The following TPST2 variants were observed in gnomAD, a reference collection of about 807,000 sequenced individuals.
The protein encoded by TPST2 is tyrosylprotein sulfotransferase 2.
TPST2 carries 16 observed loss-of-function variants against 27.8 expected under a neutral mutation model. The ratio of observed to expected loss-of-function variants is 0.58; its 90% confidence interval spans 0.39 to 0.88. The LOEUF (loss-of-function observed/expected upper bound fraction) is 0.88. Among genes scored for constraint, TPST2 ranks in the 40% least tolerant of loss-of-function variants. The probability of loss-of-function intolerance (pLI) is 0.00; values close to 1 mark genes in which losing one functional copy is unlikely to be tolerated. For synonymous variants in TPST2, 229 were observed against 231.7 expected, an observed-to-expected ratio of 0.99 and a Z score of 0.10; for missense variants, 464 against 543.1, an observed-to-expected ratio of 0.85 and a Z score of 1.45.
chr22:26,536,609 G>T, intron 3 of TPST2, 123 bp from the exon 4 acceptor site: 1 of 898,538 alleles, frequency 1.1e-6, no homozygotes, highest in Non-Finnish European at 1.6e-6. Context: ...ACCCAGCTCT[G>T]CCCCATCAAC....
intron 1 of TPST2, among the ~76,000 whole-genome samples, chr22:26,549,684 A>AAAG (rs1926350616): frequency 6.7e-6 from 1 of 149,582 alleles, no homozygotes. Flanking sequence ...AAGAAAAAGA[A>AAAG]AAAAGAAAAA....
intron 1 of TPST2, among the ~76,000 whole-genome samples, chr22:26,567,866 G>A (rs1326897383): frequency 6.6e-6 from 1 of 152,116 alleles, no homozygotes; most frequent in East Asian, 1.9e-4. Flanking sequence ...GTACATTGTG[G>A]GATCATTACA....
chr22:26,523,459 A>C lies in TPST2; in HGVS notation c.*2816T>G, dbSNP rs137901025. ...ATATTCATGTAGTACTCTAAACAAA[A>C]TCTTTTCAGATCAAATCAGGGGAGA... is the stretch of plus-strand genomic sequence containing the variant. On this transcript the variant is annotated 3_prime_UTR_variant, in exon 7 of 7. Transcript: ENST00000338754. 1 of 152,320 alleles carries C rather than the reference A, an allele frequency of 6.6e-6. No individual in the cohort carries two copies. Among genetic ancestry groups the C allele is most frequent in the African/African-American group, 2.4e-5 (1 of 41,574 alleles). The allele number at this position is 152,320 out of a possible 1,614,324, so 9.4% of individuals were successfully genotyped here.
chr22:26,528,064 G>A, intron 6 of TPST2, 150 bp downstream of exon 6: 3 of 790,616 alleles, frequency 3.8e-6, no homozygotes, highest in Non-Finnish European at 6.1e-6. Flanking sequence ...CTGTCACCAT[G>A]GAAACCTCTG....
intron 1 of TPST2, among the ~76,000 whole-genome samples, chr22:26,551,345 T>C (rs1926458091): frequency 6.6e-6 from 1 of 152,186 alleles, no homozygotes; most frequent in African/African-American, 2.4e-5. Flanking sequence ...CCTTATTATA[T>C]ACCAGGCACT....
intron 1 of TPST2, among the ~76,000 whole-genome samples, chr22:26,588,152 A>G (rs1488534094): frequency 6.6e-6 from 1 of 151,856 alleles, no homozygotes; most frequent in Non-Finnish European, 1.5e-5. Context: ...AATGTGGTAT[A>G]TCCACATAAT....
chr22:26,560,479 G>T, intron 1 of TPST2: 1 of 758,006 alleles, frequency 1.3e-6, no homozygotes, highest in East Asian at 2.4e-5. Flanking sequence ...AGTGAGAGCC[G>T]GACGGGCACT....
At chr22:26,552,463 A>G (rs1413660923) in intron 1 of TPST2, among the ~76,000 whole-genome samples, 1 of 152,112 alleles carries the variant, frequency 6.6e-6, no homozygotes, top group African/African-American at 2.4e-5. Flanking sequence ...TAATTGGTTG[A>G]GCCTGAACTG....
chr22:26,587,444 G>A (rs977667180), intron 1 of TPST2, among the ~76,000 whole-genome samples: 2 of 152,098 alleles, frequency 1.3e-5, no homozygotes, highest in Admixed American at 6.6e-5. Context: ...GGGTTCAAGC[G>A]ATTCCCCTGC....
chr22:26,546,092 G>GA (rs1208791659), intron 1 of TPST2, among the ~76,000 whole-genome samples: 178 of 142,636 alleles, frequency 1.2e-3, no homozygotes, highest in Non-Finnish European at 1.9e-3. Context: ...AAAAAAAAAA[G>GA]AAAAAAAAAA....
intron 5 of TPST2, among the ~76,000 whole-genome samples, chr22:26,531,717 A>G (rs1423699737): frequency 6.6e-6 from 1 of 152,204 alleles, no homozygotes; most frequent in East Asian, 1.9e-4. Context: ...CTTACTTAGC[A>G]TCAGCTGCCA....
chr22:26,552,739 T>C (rs555476012), intron 1 of TPST2, among the ~76,000 whole-genome samples: 8 of 152,204 alleles, frequency 5.3e-5, no homozygotes, highest in African/African-American at 1.9e-4. Context: ...TGGGCATAGT[T>C]TGCCAACCCC....
intron 1 of TPST2, among the ~76,000 whole-genome samples, chr22:26,573,691 T>C (rs1000895699): frequency 6.6e-6 from 1 of 152,244 alleles, no homozygotes; most frequent in Non-Finnish European, 1.5e-5. Context: ...CCTCAACCTT[T>C]TTTTTTGTGG....
Position 26,522,470 on chromosome 22 carries a change from A to G in TPST2, c.*3805T>C, listed in dbSNP as rs921966644. 7 of 152,248 alleles carry G rather than the reference A, an allele frequency of 4.6e-5. No individual in the cohort carries two copies. Among genetic ancestry groups the G allele is most frequent in the African/African-American group, 1.7e-4 (7 of 41,462 alleles). The allele number at this position is 152,248 out of a possible 1,614,324, so 9.4% of individuals were successfully genotyped here. On this transcript the variant is annotated 3_prime_UTR_variant, in exon 7 of 7. Coordinates refer to ENST00000338754, the MANE Select transcript of TPST2 (RefSeq NM_003595.5). ...CCATGGAACCCCCAAGAAAGGCTCT[A>G]GAACAAAGCTCTGATTTCACAGTGA...
rs57684886 is a variant in TPST2, at chr22:26,575,911, G to A, written c.-161+14142C>T. On this transcript the variant is annotated intron_variant, in intron 1 of 6. Coordinates refer to ENST00000338754, the MANE Select transcript of TPST2 (RefSeq NM_003595.5). ...CTGAGGAGGCTGAGGCAGGAAAATT[G>A]CTTGAACCTGGGAGGCGGAGGTTGC... Among the ~76,000 whole-genome samples the A allele has an allele frequency of 3.0e-3, 454 of 152,208 alleles. 14 individuals are homozygous for A. The East Asian group carries it at 0.06, about 20-fold the overall frequency.
chr22:26,584,350 T>C (rs1279225444), intron 1 of TPST2, among the ~76,000 whole-genome samples: 3 of 152,196 alleles, frequency 2.0e-5, no homozygotes, highest in Admixed American at 6.5e-5. Context: ...GAGCCCTGCA[T>C]GTTCTGATCA....
chr22:26,575,788 G>A (rs572439980), intron 1 of TPST2, among the ~76,000 whole-genome samples: 1 of 152,314 alleles, frequency 6.6e-6, no homozygotes, highest in Admixed American at 6.5e-5. Context: ...GAGGTCAGGA[G>A]TTCCAGACCA....
intron 1 of TPST2, among the ~76,000 whole-genome samples, chr22:26,562,613 T>C (rs1029931818): frequency 2.1e-5 from 1 of 47,762 alleles, no homozygotes; most frequent in Non-Finnish European, 5.3e-5. Flanking sequence ...ACTTGCTTTT[T>C]CTTTTCTTTT....
chr22:26,539,762 C>T (rs540135977), intron 3 of TPST2, among the ~76,000 whole-genome samples: 1 of 149,502 alleles, frequency 6.7e-6, no homozygotes, highest in African/African-American at 2.6e-5. Context: ...GAGTGAAACC[C>T]TGTCTCAAAA....
Sources: gnomAD v4.1 joint callset for allele counts (sites outside exome capture counted in the v4.1 genomes callset) on GRCh38, gnomAD v4.1.1 for gene constraint, MANE v1.5 for transcripts, NCBI Gene and HGNC (gene_info 2026-07-23, HGNC 2026-07-21) for gene names.